Variants in SORCS1 observed in about 807,000 individuals in gnomAD.
SORCS1 encodes sortilin related VPS10 domain containing receptor 1, also known as VPS10 domain-containing receptor SorCS1.
SORCS1 carries 60 observed loss-of-function variants against 146.1 expected under a neutral mutation model. The ratio of observed to expected loss-of-function variants is 0.41; its 90% CI spans 0.33 to 0.51. The LOEUF is 0.51. Ranked by LOEUF, SORCS1 falls within the 20% of genes least tolerant of loss-of-function variation. SORCS1 has a pLI of 0.21. For synonymous variants in SORCS1, 637 were observed against 584.0 expected, an observed-to-expected ratio of 1.09 and a Z score of -1.31; for missense variants, 1,352 against 1,487.6, an observed-to-expected ratio of 0.91 and a Z score of 1.50.
chr10:107,011,391 C>G (rs1250019806), intron 1 of SORCS1, among the ~76,000 whole-genome samples: 1 of 152,224 alleles, frequency 6.6e-6, no homozygotes, highest in Non-Finnish European at 1.5e-5. Context: ...ACACGACCTT[C>G]CACATAAAAG....
chr10:107,141,824 C>A (rs1016805871), intron 1 of SORCS1, among the ~76,000 whole-genome samples: 5 of 152,204 alleles, frequency 3.3e-5, no homozygotes, highest in African/African-American at 7.2e-5. Flanking sequence ...TATGCTGAGG[C>A]AGCAGAGTGA....
rs527501132 is a variant in SORCS1 at position 107,070,871 on chromosome 10, T to C, written c.558+93098A>G. ...TATATAATTCTCCTGTGAAGAGCTATGCTATATAAAGAGATTTGTAATTAT... is the reference window on the plus strand; with the variant it reads ...TATATAATTCTCCTGTGAAGAGCTACGCTATATAAAGAGATTTGTAATTAT... On this transcript the variant is annotated intron_variant, in intron 1 of 25. Transcript: ENST00000263054. Among the ~76,000 whole-genome samples, 10 of 152,092 alleles carry C rather than the reference T, an allele frequency of 6.6e-5. No individual in the cohort carries two copies. The South Asian group carries it at 2.1e-3, about 32-fold the overall frequency.
intron 9 of SORCS1, among the ~76,000 whole-genome samples, chr10:106,693,832 A>C: frequency 6.6e-6 from 1 of 152,158 alleles, no homozygotes; most frequent in East Asian, 1.9e-4. Context: ...GTGTAAGAAA[A>C]CCTTTTGTAA....
chr10:107,032,370 T>C (rs4526706), intron 1 of SORCS1, among the ~76,000 whole-genome samples: 66,173 of 152,038 alleles, frequency 0.44, 15,195 homozygotes, highest in African/African-American at 0.6. Flanking sequence ...CCCCGCAGTG[T>C]TCATTGTCCA....
chr10:107,154,029 T>TTTTC (rs1969067350), intron 1 of SORCS1, among the ~76,000 whole-genome samples: 1 of 128,880 alleles, frequency 7.8e-6, no homozygotes, highest in Non-Finnish European at 1.7e-5. Flanking sequence ...TTTTTTTTTT[T>TTTTC]GAGATGGAGT....
At chr10:107,007,446 C>T (rs560093203) in intron 1 of SORCS1, among the ~76,000 whole-genome samples, 1 of 152,248 alleles carries the variant, frequency 6.6e-6, no homozygotes, top group African/African-American at 2.4e-5. Flanking sequence ...GAAAGATGTC[C>T]CCTGGCTGAG....
intron 2 of SORCS1, among the ~76,000 whole-genome samples, chr10:106,876,164 A>C (rs1212317772): frequency 6.6e-6 from 1 of 152,174 alleles, no homozygotes; most frequent in African/African-American, 2.4e-5. Flanking sequence ...TTGCTGAAGC[A>C]TTCTGGTTAA....
chr10:106,937,186 T>TA (rs1953767612), intron 2 of SORCS1, among the ~76,000 whole-genome samples: 1 of 151,450 alleles, frequency 6.6e-6, no homozygotes, highest in Non-Finnish European at 1.5e-5. Flanking sequence ...TTTTTTTTTT[T>TA]TGAGATAGAG....
At chr10:107,084,968 A>T (rs947445458) in intron 1 of SORCS1, among the ~76,000 whole-genome samples, 1 of 152,186 alleles carries the variant, frequency 6.6e-6, no homozygotes, top group African/African-American at 2.4e-5. Flanking sequence ...GGCATGCAAA[A>T]TTTCAGAAGC....
In SORCS1 at chr10:107,105,493, C is replaced by T. The variant is rs184168059; in HGVS notation, c.558+58476G>A. Among the ~76,000 whole-genome samples the T allele has an allele frequency of 5.3e-3, 809 of 152,274 alleles. 3 individuals are homozygous for T. The highest frequency in any genetic ancestry group is 9.0e-3 in the Non-Finnish European group (614 of 68,012). ...CCCAAAACGTCAGAAGTCGAGAAGC[C>T]GACAGTGCAGCCTTCAGTCTGTGGC... On this transcript the variant is annotated intron_variant, in intron 1 of 25. Transcript: ENST00000263054.
chr10:107,068,865 G>T (rs1324401136), intron 1 of SORCS1, among the ~76,000 whole-genome samples: 4 of 99,214 alleles, frequency 4.0e-5, no homozygotes, highest in Non-Finnish European at 7.5e-5. Context: ...GCGAGACTCC[G>T]TCTCAAAAAA....
chr10:106,878,597 ATTTG>A (rs1233092852), intron 2 of SORCS1, among the ~76,000 whole-genome samples: 6 of 123,090 alleles, frequency 4.9e-5, no homozygotes, highest in African/African-American at 1.3e-4. Flanking sequence ...TGAGAAAAAA[ATTTG>A]TTTTTTATAA....
At chr10:106,741,937 T>G (rs1857395574) in intron 5 of SORCS1, among the ~76,000 whole-genome samples, 1 of 152,202 alleles carries the variant, frequency 6.6e-6, no homozygotes, top group South Asian at 2.1e-4. Context: ...TAGCTATCCT[T>G]GTAGTCGCTT....
At chr10:106,636,844 C>A (rs1848755331) in intron 18 of SORCS1, among the ~76,000 whole-genome samples, 1 of 152,208 alleles carries the variant, frequency 6.6e-6, no homozygotes, top group South Asian at 2.1e-4. Context: ...GAGTCCAGCA[C>A]TCTTACAACT....
At chr10:106,936,350 T>C (rs1007917242) in intron 2 of SORCS1, among the ~76,000 whole-genome samples, 20 of 152,170 alleles carry the variant, frequency 1.3e-4, no homozygotes, top group African/African-American at 4.8e-4. Flanking sequence ...AAAACTGAGA[T>C]GAAATGCAGT....
Position 107,164,453 on chromosome 10 carries a change from A to G in SORCS1, c.74T>C (p.Ile25Thr). The G allele has an allele frequency of 7.2e-7, 1 of 1,383,532 alleles. No individual in the cohort carries two copies. Among genetic ancestry groups the G allele is most frequent in the Non-Finnish European group, 9.3e-7 (1 of 1,076,412 alleles). The allele number at this position is 1,383,532 out of a possible 1,614,324, so 85.7% of individuals were successfully genotyped here. Reference protein sequence around the residue: ...SALLAGAGLLILCAPGVCGGG... With the variant: ...SALLAGAGLLTLCAPGVCGGG... Reference sequence around the variant, plus strand: ...GCCGCAGACGCCCGGGGCGCAGAGGATCAAGAGCCCCGCGCCGGCGAGGAG... The same window carrying G: ...GCCGCAGACGCCCGGGGCGCAGAGGGTCAAGAGCCCCGCGCCGGCGAGGAG... The change falls in exon 1 of 26, where the codon ATC becomes ACC. Residue 25 changes from isoleucine (I) to threonine (T), a missense_variant. This residue lies in a region of SORCS1 where 490 missense variants were observed against 489.1 expected (regional missense o/e 1.00). Coordinates refer to ENST00000263054, the MANE Select transcript of SORCS1 (RefSeq NM_052918.5). The surrounding 1 kb of genome is among the most constrained non-coding windows in gnomAD (Gnocchi z 6.8).
chr10:106,875,270 A>G (rs942946572), intron 2 of SORCS1, among the ~76,000 whole-genome samples: 2 of 152,134 alleles, frequency 1.3e-5, no homozygotes, highest in Non-Finnish European at 2.9e-5. Flanking sequence ...AGCTCTATTC[A>G]AGTTGCCACA....
chr10:106,637,361 CTGTATAGG>C (rs2133640711), intron 18 of SORCS1, among the ~76,000 whole-genome samples: 2 of 152,308 alleles, frequency 1.3e-5, no homozygotes, highest in Middle Eastern at 6.8e-3. Context: ...TTGAATCATG[CTGTATAGG>C]TGTTTCTTCA....
chr10:106,612,063 A>G (rs953117876), intron 21 of SORCS1, 40 bp from the exon 22 acceptor site: 2 of 1,475,040 alleles, frequency 1.4e-6, no homozygotes, highest in Admixed American at 1.7e-5. Context: ...TAAGTCAAAT[A>G]GTCCTGTCAA....
Sources: allele counts gnomAD v4.1 joint callset (sites outside exome capture counted in the v4.1 genomes callset), GRCh38; gene constraint gnomAD v4.1.1; regional missense constraint gnomAD v4.1.1; non-coding constraint Gnocchi (gnomAD v3.1); transcripts MANE v1.5; gene names NCBI Gene and HGNC (gene_info 2026-07-23, HGNC 2026-07-21).